Variants in TEAD1 observed in about 807,000 individuals in gnomAD.
TEAD1 encodes transcriptional enhancer factor TEF-1.
A neutral mutation model predicts 54.9 loss-of-function variants in TEAD1; 9 were observed. The ratio of observed to expected loss-of-function variants is 0.16; its 90% CI spans 0.10 to 0.29. The LOEUF (loss-of-function observed/expected upper bound fraction) is 0.29, where lower values mean the gene tolerates loss of function less well. Among genes scored for constraint, TEAD1 ranks in the 10% least tolerant of loss-of-function variants. The probability of loss-of-function intolerance (pLI) is 1.00; values close to 1 mark genes in which losing one functional copy is unlikely to be tolerated. For missense variants in TEAD1, 387 were observed against 535.9 expected (o/e 0.72, Z 2.74); for synonymous variants, 200 against 187.8 (o/e 1.07, Z -0.53).
chr11:12,701,879 A>G (rs1253987474), intron 2 of TEAD1, among the ~76,000 whole-genome samples: 1 of 152,218 alleles, frequency 6.6e-6, no homozygotes, highest in African/African-American at 2.4e-5. Flanking sequence ...GGGCATAAAA[A>G]AGATGACTTT....
chr11:12,761,046 CGA>C (rs1265733154), intron 2 of TEAD1, among the ~76,000 whole-genome samples: 3 of 152,044 alleles, frequency 2.0e-5, no homozygotes, highest in Non-Finnish European at 2.9e-5. Context: ...GTCTAGTTGA[CGA>C]AAAATGGCAA....
chr11:12,784,394 A>G (rs1342333624), intron 3 of TEAD1, among the ~76,000 whole-genome samples: 1 of 152,192 alleles, frequency 6.6e-6, no homozygotes, highest in Admixed American at 6.5e-5. Context: ...ATTTGAGAAC[A>G]GTTTGGAAAA....
chr11:12,762,081 G>T (rs895688494), intron 2 of TEAD1, among the ~76,000 whole-genome samples: 6 of 152,270 alleles, frequency 3.9e-5, no homozygotes, highest in African/African-American at 1.2e-4. Flanking sequence ...CTGCTATCCT[G>T]ACTGAGCACT....
At chr11:12,868,517 A>G (rs1337803164) in intron 5 of TEAD1, among the ~76,000 whole-genome samples, 4 of 152,216 alleles carry the variant, frequency 2.6e-5, no homozygotes, top group African/African-American at 9.6e-5. Flanking sequence ...GAGTCATCCT[A>G]GCTACAAAAG....
intron 2 of TEAD1, among the ~76,000 whole-genome samples, chr11:12,700,355 T>C (rs921434638): frequency 6.6e-6 from 1 of 152,200 alleles, no homozygotes; most frequent in African/African-American, 2.4e-5. Context: ...AACCCTTTTG[T>C]TTTAGGTACA....
In TEAD1 at chr11:12,940,396, G is replaced by A. The variant is rs1246449300; in HGVS notation, c.*3174G>A. ...TCCAGATATTGTCAAATATCCCATC[G>A]GGTGCAAAATGATCCCTGGTCAAGA... is the stretch of plus-strand genomic sequence containing the variant. On this transcript the variant is annotated 3_prime_UTR_variant, in exon 13 of 13. Coordinates refer to ENST00000527636, the MANE Select transcript of TEAD1 (RefSeq NM_021961.6). 4.6e-5 allele frequency: 7 copies of A among 152,072 alleles called. No individual in the cohort carries two copies. The highest frequency in any genetic ancestry group is 7.4e-5 in the Non-Finnish European group (5 of 68,026). The allele number at this position is 152,072 out of a possible 1,614,324, so 9.4% of individuals were successfully genotyped here.
chr11:12,859,991 T>C (rs1947466934), intron 3 of TEAD1, among the ~76,000 whole-genome samples: 1 of 152,180 alleles, frequency 6.6e-6, no homozygotes, highest in Non-Finnish European at 1.5e-5. Flanking sequence ...TCTGATGCTA[T>C]AGCAGGAGCA....
intron 3 of TEAD1, among the ~76,000 whole-genome samples, chr11:12,858,597 A>G (rs1407850018): frequency 6.6e-6 from 1 of 152,212 alleles, no homozygotes; most frequent in Admixed American, 6.5e-5. Context: ...TAGTTCTAAT[A>G]TTTAAAAGAA....
intron 2 of TEAD1, among the ~76,000 whole-genome samples, chr11:12,707,667 A>G (rs1026781582): frequency 1.3e-5 from 2 of 152,244 alleles, no homozygotes; most frequent in Non-Finnish European, 2.9e-5. Context: ...GATAAACACT[A>G]TAGTTGGCAC....
At chr11:12,713,520 A>T (rs1036855267) in intron 2 of TEAD1, among the ~76,000 whole-genome samples, 10 of 152,250 alleles carry the variant, frequency 6.6e-5, no homozygotes, top group Non-Finnish European at 1.3e-4. Flanking sequence ...TAGGACTTCT[A>T]TTACATGGGT....
intron 2 of TEAD1, among the ~76,000 whole-genome samples, chr11:12,680,166 C>T (rs1943187587): frequency 6.6e-6 from 1 of 152,198 alleles, no homozygotes; most frequent in Admixed American, 6.5e-5. Flanking sequence ...GACTTGATGG[C>T]ATTTTGTGAA....
intron 2 of TEAD1, among the ~76,000 whole-genome samples, chr11:12,684,802 G>T (rs568836291): frequency 2.6e-5 from 4 of 152,168 alleles, no homozygotes; most frequent in South Asian, 2.1e-4. Context: ...CCTAAGACTC[G>T]CTTCCTCTGG....
chr11:12,860,144 A>G (rs1213455484), intron 3 of TEAD1, among the ~76,000 whole-genome samples: 1 of 152,200 alleles, frequency 6.6e-6, no homozygotes, highest in Non-Finnish European at 1.5e-5. Context: ...AGAGGACCCC[A>G]GAGCTGCTGT....
intron 2 of TEAD1, among the ~76,000 whole-genome samples, chr11:12,698,295 C>G (rs1192635628): frequency 3.3e-5 from 5 of 151,986 alleles, no homozygotes; most frequent in African/African-American, 9.7e-5. Context: ...GCTGCGCTCT[C>G]TCTTTTTTGG....
At chr11:12,811,245 A>G (rs1946294332) in intron 3 of TEAD1, among the ~76,000 whole-genome samples, 1 of 152,318 alleles carries the variant, frequency 6.6e-6, no homozygotes, top group East Asian at 1.9e-4. Flanking sequence ...CATCCTGTGG[A>G]TGGTGTAGGG....
At chr11:12,753,535 A>T (rs1193977279) in intron 2 of TEAD1, among the ~76,000 whole-genome samples, 1 of 152,074 alleles carries the variant, frequency 6.6e-6, no homozygotes, top group Non-Finnish European at 1.5e-5. Flanking sequence ...ACCTTTTCAT[A>T]TGTTTATGGG....
intron 2 of TEAD1, among the ~76,000 whole-genome samples, chr11:12,743,352 A>C (rs1191055800): frequency 6.6e-6 from 1 of 152,128 alleles, no homozygotes; most frequent in Non-Finnish European, 1.5e-5. Context: ...GCAGGACCTA[A>C]CTCTTCTCTT....
chr11:12,705,379 A>G (rs1564912656), intron 2 of TEAD1, among the ~76,000 whole-genome samples: 1 of 152,330 alleles, frequency 6.6e-6, no homozygotes, highest in African/African-American at 2.4e-5. Flanking sequence ...GTGTCATTGT[A>G]GAGTGATGCA....
At chr11:12,909,556 G>T (rs1948581913) in intron 10 of TEAD1, among the ~76,000 whole-genome samples, 1 of 152,038 alleles carries the variant, frequency 6.6e-6, no homozygotes, top group Non-Finnish European at 1.5e-5. Context: ...GAACTTAGAG[G>T]ACAGGTCAAT....
Sources: allele counts gnomAD v4.1 joint callset (sites outside exome capture counted in the v4.1 genomes callset), GRCh38; gene constraint gnomAD v4.1.1; transcripts MANE v1.5; gene names NCBI Gene and HGNC (gene_info 2026-07-23, HGNC 2026-07-21).